CTNNA1: variants seen among roughly 807,000 people sequenced by gnomAD.
The protein encoded by CTNNA1 is catenin alpha 1, also known as catenin alpha-1.
In CTNNA1, 37 loss-of-function variants were observed where a neutral mutation model predicts 98.4. The observed-to-expected ratio is 0.38, with a 90% confidence interval of 0.29 to 0.49. The LOEUF (loss-of-function observed/expected upper bound fraction) is 0.49. CTNNA1 is among the 20% of genes least tolerant of loss of function. CTNNA1 has a pLI of 0.95. For missense variants in CTNNA1, 761 were observed against 1,147.2 expected, an observed-to-expected ratio of 0.66 and a Z score of 4.86; for synonymous variants, 404 against 413.2, an observed-to-expected ratio of 0.98 and a Z score of 0.27.
chr5:138,893,723 A>G (rs927144005), intron 9 of CTNNA1, among the ~76,000 whole-genome samples: 2 of 151,596 alleles, frequency 1.3e-5, no homozygotes, highest in African/African-American at 4.9e-5. Context: ...TCCCAGATTC[A>G]AGTGATTCTC....
chr5:138,785,162 C>T (rs371715536), intron 3 of CTNNA1, among the ~76,000 whole-genome samples: 490 of 148,602 alleles, frequency 3.3e-3, no homozygotes, highest in African/African-American at 0.011. Flanking sequence ...CCCGGGTTCA[C>T]GCCATTCTCC....
chr5:138,761,671 G>C lies in CTNNA1; in HGVS notation c.-3+8161G>C, dbSNP rs568603100. ...TCTATATGGAGATAATAAATAAGTA[G>C]TGAAAAACATGAACCCAATTATTCT... On this transcript the variant is annotated intron_variant, in intron 1 of 17. Coordinates refer to ENST00000302763, the MANE Select transcript of CTNNA1 (RefSeq NM_001903.5). Among the ~76,000 whole-genome samples the C allele has an allele frequency of 4.1e-3, 627 of 152,248 alleles. 1 individual carries two copies. Among genetic ancestry groups the C allele is most frequent in the Middle Eastern group, 0.017 (5 of 292 alleles).
chr5:138,823,956 CAAAAAAAAAAAA>C (rs369653057), intron 5 of CTNNA1, among the ~76,000 whole-genome samples: 6 of 64,392 alleles, frequency 9.3e-5, no homozygotes, highest in Non-Finnish European at 1.2e-4. Flanking sequence ...GACTCCGTCT[CAAAAAAAAAAAA>C]AAAAAAAAAA....
At chr5:138,931,688 G>T in intron 16 of CTNNA1, 4 of 985,198 alleles carry the variant, frequency 4.1e-6, no homozygotes, top group Non-Finnish European at 4.8e-6. Context: ...CCGATTTCCT[G>T]TTCTTTCCTC....
At position 138,873,152 on chromosome 5, in the gene CTNNA1, TG is replaced by T; in HGVS notation, c.1063-13057del. 6.2e-7 allele frequency: 1 copy of T among 1,614,038 alleles called. No individual in the cohort carries two copies. Among genetic ancestry groups the T allele is most frequent in the Non-Finnish European group, 8.5e-7 (1 of 1,179,904 alleles). ...CATGTTTGACATATGGAGTCGTGTT[TG>T]GGATCGGAGCTGCCTGTGGTTCTGA... On this transcript the variant is annotated intron_variant, in intron 7 of 17. Coordinates refer to ENST00000302763, the MANE Select transcript of CTNNA1 (RefSeq NM_001903.5). The surrounding 1 kb of genome is among the most constrained non-coding windows in gnomAD (Gnocchi z 6.1).
chr5:138,769,177 C>T, intron 1 of CTNNA1, among the ~76,000 whole-genome samples: 1 of 151,818 alleles, frequency 6.6e-6, no homozygotes, highest in East Asian at 1.9e-4. Flanking sequence ...CAGGTGTGAG[C>T]CACTGAGCCT....
In CTNNA1 at chr5:138,781,279, G is replaced by A. The variant is rs1049750614; in HGVS notation, c.-2-644G>A. Among the ~76,000 whole-genome samples the A allele has an allele frequency of 5.3e-5, 8 of 152,248 alleles. No individual in the cohort carries two copies. The East Asian group carries it at 9.6e-4, about 18-fold the overall frequency. ...TTGAAAGTAGCTTTTGGCCGGGTGC[G>A]GTGGCTCACGCCTATAATCCCAGCA... On this transcript the variant is annotated intron_variant, in intron 1 of 17. Transcript: ENST00000302763.
At chr5:138,920,104 G>A (rs752202892) in intron 11 of CTNNA1, among the ~76,000 whole-genome samples, 4 of 150,390 alleles carry the variant, frequency 2.7e-5, no homozygotes, top group Non-Finnish European at 5.9e-5. Context: ...TCAGCCTCCC[G>A]AGTAGCTGGG....
intron 11 of CTNNA1, 31 bp from the exon 12 acceptor site, chr5:138,924,479 T>G: frequency 6.2e-7 from 1 of 1,611,232 alleles, no homozygotes; most frequent in Non-Finnish European, 8.5e-7. Context: ...GAAAGCCTCC[T>G]TCCTCATTCA....
At chr5:138,903,766 T>A (rs1341644528) in intron 9 of CTNNA1, among the ~76,000 whole-genome samples, 2 of 152,214 alleles carry the variant, frequency 1.3e-5, no homozygotes, top group Non-Finnish European at 2.9e-5. Context: ...ACATAACCAG[T>A]TTCCTTTTCC....
intron 3 of CTNNA1, among the ~76,000 whole-genome samples, chr5:138,794,012 ATTTTTTTT>A (rs10717660): frequency 3.6e-5 from 4 of 112,298 alleles, no homozygotes; most frequent in East Asian, 2.6e-4. Context: ...TCCTGGGTTG[ATTTTTTTT>A]TTTTTTTTTT....
Position 138,849,887 on chromosome 5 carries a change from A to G in CTNNA1, c.1062+22169A>G, listed in dbSNP as rs142477769. ...ATGGCTTAAAGGGGTCTAAAAGAGT[A>G]TCTAATGAGCATTGCCTCTCATCCC... On this transcript the variant is annotated intron_variant, in intron 7 of 17. Transcript: ENST00000302763. Among the ~76,000 whole-genome samples the G allele has an allele frequency of 2.8e-3, 430 of 152,200 alleles. 2 individuals carry two copies. Among genetic ancestry groups the G allele is most frequent in the African/African-American group, 9.6e-3 (400 of 41,534 alleles).
chr5:138,897,818 G>A (rs1005612272), intron 9 of CTNNA1, among the ~76,000 whole-genome samples: 3 of 152,052 alleles, frequency 2.0e-5, no homozygotes, highest in South Asian at 2.1e-4. Context: ...TAACTACCTC[G>A]TCACATTATG....
rs765674162 is a variant in CTNNA1, at chr5:138,810,222, T to C, written c.468+18T>C. On this transcript the variant is annotated intron_variant, in intron 4 of 17. Transcript: ENST00000302763. Reference sequence around the variant, plus strand: ...TGAAAGTTGTAAGTATACAGGCCTATGTCTGTAATTTGTTCTATCACAGGA... The same window carrying C: ...TGAAAGTTGTAAGTATACAGGCCTACGTCTGTAATTTGTTCTATCACAGGA... The C allele has an allele frequency of 1.2e-6, 2 of 1,600,782 alleles. No homozygotes were observed. The highest frequency in any genetic ancestry group is 1.7e-4 in the Middle Eastern group (1 of 6,024).
chr5:138,932,203 T>C, intron 16 of CTNNA1: 1 of 1,025,866 alleles, frequency 9.7e-7, no homozygotes, highest in South Asian at 4.5e-5. Flanking sequence ...TCCTGCTTGC[T>C]GAGCCGGCTT....
At chr5:138,794,729 G>A (rs1407269382) in intron 3 of CTNNA1, among the ~76,000 whole-genome samples, 1 of 152,190 alleles carries the variant, frequency 6.6e-6, no homozygotes, top group African/African-American at 2.4e-5. Context: ...CTGGGTGGGA[G>A]TGGTGGGACA....
At chr5:138,900,885 A>G (rs973644392) in intron 9 of CTNNA1, among the ~76,000 whole-genome samples, 2 of 152,208 alleles carry the variant, frequency 1.3e-5, no homozygotes, top group African/African-American at 4.8e-5. Flanking sequence ...CACAGTAGGC[A>G]CAGATGGTAC....
intron 10 of CTNNA1, among the ~76,000 whole-genome samples, chr5:138,912,269 CG>C (rs1164242754): frequency 6.6e-6 from 1 of 151,900 alleles, no homozygotes; most frequent in African/African-American, 2.4e-5. Context: ...GAAAAAAAAG[CG>C]GGGGAGTTTC....
chr5:138,885,575 C>T (rs1263993295), intron 7 of CTNNA1, among the ~76,000 whole-genome samples: 1 of 152,144 alleles, frequency 6.6e-6, no homozygotes. Context: ...TGAAGACATG[C>T]TGTTTTACAT....
Sources: gnomAD v4.1 joint callset for allele counts (sites outside exome capture counted in the v4.1 genomes callset) on GRCh38, gnomAD v4.1.1 for gene constraint, Gnocchi (gnomAD v3.1) non-coding constraint, MANE v1.5 for transcripts, NCBI Gene and HGNC (gene_info 2026-07-23, HGNC 2026-07-21) for gene names.